SGK1: variants seen among roughly 807,000 people sequenced by gnomAD.
SGK1 encodes the protein serine/threonine-protein kinase Sgk1.
In SGK1, 26 loss-of-function variants were observed where a neutral mutation model predicts 64.2. The observed-to-expected ratio is 0.40, with a 90% CI of 0.30 to 0.56. SGK1 has a LOEUF of 0.56. SGK1 is among the 20% of genes least tolerant of loss of function. The pLI is 0.38. For synonymous variants in SGK1, 265 were observed against 239.7 expected (o/e 1.11, Z -0.98); for missense variants, 519 against 645.6 (o/e 0.80, Z 2.12).
intron 1 of SGK1, among the ~76,000 whole-genome samples, chr6:134,264,745 C>A (rs1225672579): frequency 1.3e-5 from 2 of 151,948 alleles, no homozygotes; most frequent in Non-Finnish European, 2.9e-5. Flanking sequence ...TAGGCTCAAG[C>A]GATCCTCCCA....
intron 3 of SGK1, chr6:134,175,596 T>G: frequency 6.4e-7 from 1 of 1,566,488 alleles, no homozygotes; most frequent in South Asian, 1.2e-5. Flanking sequence ...CGGCCCTCTT[T>G]TTGTGGCGGG....
intron 1 of SGK1, among the ~76,000 whole-genome samples, chr6:134,271,920 C>T (rs1263065774): frequency 2.0e-5 from 3 of 147,094 alleles, no homozygotes; most frequent in Non-Finnish European, 4.5e-5. Context: ...TGGCTCACTG[C>T]AACCTCCACC....
At chr6:134,305,926 C>A (rs968931782) in intron 1 of SGK1, among the ~76,000 whole-genome samples, 3 of 152,144 alleles carry the variant, frequency 2.0e-5, no homozygotes, top group Admixed American at 6.5e-5. Context: ...AGGCATTTCA[C>A]CATCTTTTGG....
At chr6:134,176,249 C>A (rs1341137328) in intron 3 of SGK1, among the ~76,000 whole-genome samples, 1 of 152,188 alleles carries the variant, frequency 6.6e-6, no homozygotes, top group Non-Finnish European at 1.5e-5. Flanking sequence ...ATCGTCCCTA[C>A]CCTCCCTGGG....
chr6:134,227,446 T>C (rs1443197780), intron 2 of SGK1, among the ~76,000 whole-genome samples: 1 of 152,198 alleles, frequency 6.6e-6, no homozygotes, highest in Non-Finnish European at 1.5e-5. Flanking sequence ...GGCATGTATG[T>C]CTTTTCTAAA....
chr6:134,219,474 T>C lies in SGK1; in HGVS notation c.286-12043A>G, dbSNP rs562447931. On this transcript the variant is annotated intron_variant, in intron 2 of 13. Transcript: ENST00000367858. ...TGTTTGCATTCTATATCAAAACATA[T>C]AATTGGCCAGCCGCGGTATCTCACG... Among the ~76,000 whole-genome samples, 17 of 152,238 alleles carry C rather than the reference T, an allele frequency of 1.1e-4. No individual in the cohort carries two copies. In the East Asian group the frequency reaches 3.1e-3, roughly 28 times the overall value.
intron 3 of SGK1, among the ~76,000 whole-genome samples, chr6:134,188,522 T>C (rs991190868): frequency 6.6e-6 from 1 of 152,198 alleles, no homozygotes; most frequent in African/African-American, 2.4e-5. Context: ...TGATTTTATA[T>C]ATAGAGATAT....
intron 1 of SGK1, among the ~76,000 whole-genome samples, chr6:134,293,606 T>C (rs1777298415): frequency 6.6e-6 from 1 of 152,128 alleles, no homozygotes; most frequent in Non-Finnish European, 1.5e-5. Flanking sequence ...GACCACTTAC[T>C]AAAAGGAAGC....
intron 1 of SGK1, among the ~76,000 whole-genome samples, chr6:134,287,224 G>A (rs1017123113): frequency 2.6e-5 from 4 of 152,096 alleles, no homozygotes; most frequent in African/African-American, 9.7e-5. Context: ...CACCTGCCTC[G>A]GGCTCCCAGA....
At chr6:134,255,866 T>C (rs978606606) in intron 2 of SGK1, among the ~76,000 whole-genome samples, 18 of 152,130 alleles carry the variant, frequency 1.2e-4, no homozygotes, top group African/African-American at 4.3e-4. Flanking sequence ...ATTACAGGCG[T>C]GAGCCACTGT....
intron 2 of SGK1, among the ~76,000 whole-genome samples, chr6:134,220,859 G>A (rs541590343): frequency 6.6e-6 from 1 of 152,072 alleles, no homozygotes; most frequent in South Asian, 2.1e-4. Flanking sequence ...GCCCACGCCT[G>A]TAGTTTCGGC....
At chr6:134,208,764 A>G (rs1211588255) in intron 2 of SGK1, among the ~76,000 whole-genome samples, 1 of 72,244 alleles carries the variant, frequency 1.4e-5, no homozygotes, top group African/African-American at 2.9e-5. Context: ...ATATATACAC[A>G]TATATATGTG....
intron 3 of SGK1, among the ~76,000 whole-genome samples, chr6:134,177,478 T>C (rs531497309): frequency 5.3e-5 from 8 of 152,264 alleles, no homozygotes; most frequent in Non-Finnish European, 7.3e-5. Context: ...AGAGAGCAAA[T>C]TTTGCTCAGG....
intron 1 of SGK1, among the ~76,000 whole-genome samples, chr6:134,267,272 T>C (rs1182313069): frequency 6.6e-6 from 1 of 152,030 alleles, no homozygotes; most frequent in Non-Finnish European, 1.5e-5. Context: ...AGTCTGAATA[T>C]GTTCATAGTG....
chr6:134,234,212 G>A (rs1776330279), intron 2 of SGK1, among the ~76,000 whole-genome samples: 2 of 152,172 alleles, frequency 1.3e-5, no homozygotes, highest in South Asian at 4.1e-4. Context: ...GATTAGCCTG[G>A]CCAACATGGT....
intron 3 of SGK1, among the ~76,000 whole-genome samples, chr6:134,194,520 C>CTT (rs71708614): frequency 0.032 from 4,407 of 138,646 alleles, 207 homozygotes; most frequent in East Asian, 0.16. Context: ...AAAAGTTTTT[C>CTT]TTTTTTTTTT....
chr6:134,174,651 CACT>C, intron 3 of SGK1, 65 bp from the exon 4 acceptor site: 2 of 1,606,004 alleles, frequency 1.2e-6, no homozygotes, highest in Non-Finnish European at 1.7e-6. Flanking sequence ...GCGCCACACA[CACT>C]AATCTGATCC....
At chr6:134,199,948 A>G (rs1323178148) in intron 3 of SGK1, among the ~76,000 whole-genome samples, 7 of 152,192 alleles carry the variant, frequency 4.6e-5, no homozygotes, top group African/African-American at 1.7e-4. Context: ...TAACCACTTC[A>G]TTATCTGGTT....
intron 3 of SGK1, chr6:134,175,454 C>T: frequency 7.6e-7 from 1 of 1,320,428 alleles, no homozygotes; most frequent in Non-Finnish European, 9.7e-7. Context: ...GGACCCCGGC[C>T]CCGAGAACTC....
Sources: allele counts gnomAD v4.1 joint callset (sites outside exome capture counted in the v4.1 genomes callset), GRCh38; gene constraint gnomAD v4.1.1; transcripts MANE v1.5; gene names NCBI Gene and HGNC (gene_info 2026-07-23, HGNC 2026-07-21).